Variants in SNRK observed in about 807,000 individuals in gnomAD.
SNRK encodes SNF-related serine/threonine-protein kinase.
A neutral mutation model predicts 48.2 loss-of-function variants in SNRK; 3 were observed. The ratio of observed to expected loss-of-function variants is 0.06; its 90% CI spans 0.03 to 0.16. The LOEUF (loss-of-function observed/expected upper bound fraction) is 0.16. Ranked by LOEUF, SNRK falls within the 10% of genes least tolerant of loss-of-function variation. The pLI, the probability that SNRK is intolerant of heterozygous loss-of-function variation, is 1.00. For synonymous variants in SNRK, 376 were observed against 366.1 expected, an observed-to-expected ratio of 1.03 and a Z score of -0.31; for missense variants, 627 against 976.0, an observed-to-expected ratio of 0.64 and a Z score of 4.76.
At chr3:43,340,005 A>G (rs2091223324) in intron 4 of SNRK, among the ~76,000 whole-genome samples, 1 of 151,408 alleles carries the variant, frequency 6.6e-6, no homozygotes, top group Non-Finnish European at 1.5e-5. Flanking sequence ...TCACTAAGCC[A>G]GCAGTTAATT....
chr3:43,292,350 G>C (rs2090818715), intron 1 of SNRK, among the ~76,000 whole-genome samples: 1 of 152,196 alleles, frequency 6.6e-6, no homozygotes, highest in Non-Finnish European at 1.5e-5. Flanking sequence ...ATGTTAATAT[G>C]TAAAGGATTT....
At chr3:43,340,731 G>T (rs952373877) in intron 5 of SNRK, 1 of 533,694 alleles carries the variant, frequency 1.9e-6, no homozygotes, top group Non-Finnish European at 3.4e-6. Context: ...GTTTCAGTGA[G>T]TGCTGTGGCC....
Position 43,347,594 on chromosome 3 carries a change from G to T in SNRK, c.1335G>T (p.Val445=). 1 of 1,613,988 alleles carries T rather than the reference G, an allele frequency of 6.2e-7. No homozygotes were observed. The highest frequency in any genetic ancestry group is 8.5e-7 in the Non-Finnish European group (1 of 1,180,020). The change falls in exon 7 of 7, where the codon GTG becomes GTT. Residue 445 remains valine, a synonymous_variant. Coordinates refer to ENST00000296088, the MANE Select transcript of SNRK (RefSeq NM_017719.5). This position sits in a 1 kb window ranked among gnomAD's most constrained non-coding sequence, Gnocchi z 5.4. ...TASGRKCLFR[V]EEDEEEDEED... is the part of the protein sequence containing the mutation. Reference sequence around the variant, plus strand: ...GTGGGCGGAAGTGTCTGTTCAGGGTGGAAGAAGATGAAGAGGAAGATGAGG... The same window carrying T: ...GTGGGCGGAAGTGTCTGTTCAGGGTTGAAGAAGATGAAGAGGAAGATGAGG...
chr3:43,325,953 C>T (rs539853246), intron 3 of SNRK, among the ~76,000 whole-genome samples: 16 of 152,188 alleles, frequency 1.1e-4, no homozygotes, highest in African/African-American at 3.4e-4. Context: ...ATGATGTTTT[C>T]GCCATCTTAT....
chr3:43,295,740 T>G (rs1316208290), intron 1 of SNRK, among the ~76,000 whole-genome samples: 3 of 152,106 alleles, frequency 2.0e-5, no homozygotes, highest in Admixed American at 6.6e-5. Flanking sequence ...AAATATTGTT[T>G]ACTTTTTTTT....
At chr3:43,324,175 GTT>G (rs2091076432) in intron 3 of SNRK, among the ~76,000 whole-genome samples, 1 of 152,224 alleles carries the variant, frequency 6.6e-6, no homozygotes, top group Non-Finnish European at 1.5e-5. Context: ...TATCTATGGT[GTT>G]GGTGAGGATG....
chr3:43,311,144 A>G (rs1427309317), intron 3 of SNRK, among the ~76,000 whole-genome samples: 1 of 152,176 alleles, frequency 6.6e-6, no homozygotes, highest in African/African-American at 2.4e-5. Flanking sequence ...CCTAATGTCC[A>G]CAATAGAGAG....
intron 3 of SNRK, among the ~76,000 whole-genome samples, chr3:43,315,902 C>T (rs543399294): frequency 6.6e-6 from 1 of 152,306 alleles, no homozygotes; most frequent in East Asian, 1.9e-4. Flanking sequence ...TATCACTTGT[C>T]ATATAAAACG....
At chr3:43,333,023 G>A (rs2091158496) in intron 4 of SNRK, 1 of 152,114 alleles carries the variant, frequency 6.6e-6, no homozygotes, top group Admixed American at 6.5e-5. Flanking sequence ...TAGAAACAGA[G>A]TTTTGAGTTT....
intron 4 of SNRK, among the ~76,000 whole-genome samples, chr3:43,333,904 TAAG>T (rs1380483050): frequency 6.6e-6 from 1 of 151,986 alleles, no homozygotes; most frequent in Non-Finnish European, 1.5e-5. Flanking sequence ...TCCCAGCACT[TAAG>T]GAGGCCGAGA....
At chr3:43,319,871 A>G (rs1337219213) in intron 3 of SNRK, among the ~76,000 whole-genome samples, 3 of 152,186 alleles carry the variant, frequency 2.0e-5, no homozygotes, top group Non-Finnish European at 4.4e-5. Context: ...TAGAGGACCC[A>G]GTGAAAGCTG....
chr3:43,320,804 A>T (rs1254889416), intron 3 of SNRK, among the ~76,000 whole-genome samples: 1 of 152,080 alleles, frequency 6.6e-6, no homozygotes. Flanking sequence ...GAAACTCCTG[A>T]GGTCACACTT....
chr3:43,347,414 G>C lies in SNRK; in HGVS notation c.1155G>C (p.Ala385=). Residue 385 remains alanine, a synonymous_variant, in exon 7 of 7, where the codon GCG becomes GCC. Transcript: ENST00000296088. This position sits in a 1 kb window ranked among gnomAD's most constrained non-coding sequence, Gnocchi z 5.4. ...TCACGGCCACTCCTTTGTCCCACGCGACTGTCCCTCAGTCTCCTGCTCGGG... is the reference window on the plus strand; with the variant it reads ...TCACGGCCACTCCTTTGTCCCACGCCACTGTCCCTCAGTCTCCTGCTCGGG... ...DDLTATPLSH[A]TVPQSPARAA... The C allele has an allele frequency of 6.2e-7, 1 of 1,613,746 alleles. No individual in the cohort carries two copies. The highest frequency in any genetic ancestry group is 1.1e-5 in the South Asian group (1 of 91,028).
At chr3:43,287,120 A>G (rs1372823031) in intron 1 of SNRK, among the ~76,000 whole-genome samples, 1 of 151,450 alleles carries the variant, frequency 6.6e-6, no homozygotes, top group East Asian at 1.9e-4. Flanking sequence ...TTCCCCTTTC[A>G]GAAGACTGTA....
At chr3:43,317,712 C>G (rs999070838) in intron 3 of SNRK, among the ~76,000 whole-genome samples, 1 of 152,172 alleles carries the variant, frequency 6.6e-6, no homozygotes, top group Non-Finnish European at 1.5e-5. Context: ...CCATCCATCT[C>G]CCTCCTCTGC....
chr3:43,289,257 C>T (rs1024367332), intron 1 of SNRK, among the ~76,000 whole-genome samples: 2 of 151,896 alleles, frequency 1.3e-5, no homozygotes, highest in Non-Finnish European at 2.9e-5. Context: ...AATTCCCAGG[C>T]AGAGAAAAAG....
intron 3 of SNRK, among the ~76,000 whole-genome samples, chr3:43,331,192 A>G (rs937923323): frequency 1.3e-5 from 2 of 152,168 alleles, no homozygotes; most frequent in Non-Finnish European, 2.9e-5. Flanking sequence ...GTTTCTTATT[A>G]TGTGAATGTT....
chr3:43,295,152 G>T (rs2090842935), intron 1 of SNRK, among the ~76,000 whole-genome samples: 1 of 152,188 alleles, frequency 6.6e-6, no homozygotes, highest in South Asian at 2.1e-4. Flanking sequence ...AGGTCTTGTG[G>T]CTTGGATGTT....
At chr3:43,338,854 T>C (rs1410491681) in intron 4 of SNRK, among the ~76,000 whole-genome samples, 1 of 152,222 alleles carries the variant, frequency 6.6e-6, no homozygotes, top group East Asian at 1.9e-4. Context: ...GCTTTATTTA[T>C]AGTATAAAGT....
Sources: allele counts gnomAD v4.1 joint callset (sites outside exome capture counted in the v4.1 genomes callset), GRCh38; gene constraint gnomAD v4.1.1; non-coding constraint Gnocchi (gnomAD v3.1); transcripts MANE v1.5; gene names NCBI Gene and HGNC (gene_info 2026-07-23, HGNC 2026-07-21).